Variants in SLIT3 observed in about 807,000 individuals in gnomAD.
SLIT3 encodes slit homolog 3 protein.
Under a neutral mutation model 184.0 loss-of-function variants are expected in SLIT3, and 68 were observed. That is an observed-to-expected ratio of 0.37 (90% CI 0.30 to 0.45). SLIT3 has a LOEUF of 0.45. Ranked by LOEUF, SLIT3 falls within the 20% of genes least tolerant of loss-of-function variation. SLIT3 has a pLI of 1.00. For synonymous variants in SLIT3, 831 were observed against 828.6 expected (o/e 1.00, Z -0.05); for missense variants, 1,707 against 2,026.0 (o/e 0.84, Z 3.02).
At chr5:169,165,420 A>G (rs532297567) in intron 4 of SLIT3, among the ~76,000 whole-genome samples, 2 of 152,356 alleles carry the variant, frequency 1.3e-5, no homozygotes, top group South Asian at 4.1e-4. Context: ...GGGGAGTGAC[A>G]GCAACAACTT....
chr5:169,049,357 A>G (rs948135648), intron 4 of SLIT3, among the ~76,000 whole-genome samples: 4 of 152,196 alleles, frequency 2.6e-5, no homozygotes, highest in Non-Finnish European at 4.4e-5. Flanking sequence ...GACAGGTGCT[A>G]AGGTAACCAG....
chr5:169,290,522 G>C (rs1767323975), intron 1 of SLIT3, among the ~76,000 whole-genome samples: 1 of 149,786 alleles, frequency 6.7e-6, no homozygotes, highest in South Asian at 2.1e-4. Context: ...CATGCGCTAG[G>C]GCATATACTA....
At chr5:168,975,377 G>A (rs1475109295) in intron 4 of SLIT3, among the ~76,000 whole-genome samples, 2 of 152,100 alleles carry the variant, frequency 1.3e-5, no homozygotes, top group Admixed American at 6.5e-5. Flanking sequence ...CCAGTCTCAC[G>A]TATGCTGTCC....
chr5:168,989,055 A>G (rs573223858), intron 4 of SLIT3, among the ~76,000 whole-genome samples: 38 of 152,346 alleles, frequency 2.5e-4, no homozygotes, highest in African/African-American at 8.9e-4. Flanking sequence ...TTTGCCTCAG[A>G]GACACACCAC....
chr5:168,922,504 T>C (rs1761672137), intron 4 of SLIT3, among the ~76,000 whole-genome samples: 1 of 132,828 alleles, frequency 7.5e-6, no homozygotes, highest in African/African-American at 2.8e-5. Context: ...CCATAGCAAG[T>C]AAAAATCCGT....
chr5:168,800,676 T>C (rs1756736938), intron 9 of SLIT3, among the ~76,000 whole-genome samples: 1 of 152,216 alleles, frequency 6.6e-6, no homozygotes, highest in Non-Finnish European at 1.5e-5. Flanking sequence ...ATGAGGAATG[T>C]AGGCATATCT....
chr5:168,732,046 C>A (rs1763304776), intron 20 of SLIT3, among the ~76,000 whole-genome samples: 1 of 151,972 alleles, frequency 6.6e-6, no homozygotes, highest in Admixed American at 6.6e-5. Flanking sequence ...AAAATAAACA[C>A]TAAATACTTG....
intron 20 of SLIT3, among the ~76,000 whole-genome samples, chr5:168,732,790 T>C (rs1270288972): frequency 1.3e-5 from 2 of 152,170 alleles, no homozygotes; most frequent in Admixed American, 1.3e-4. Flanking sequence ...ACTGGACTCA[T>C]ACTTTTCACC....
intron 3 of SLIT3, among the ~76,000 whole-genome samples, chr5:169,216,569 T>C (rs1300719314): frequency 1.3e-5 from 2 of 152,222 alleles, no homozygotes; most frequent in Non-Finnish European, 2.9e-5. Context: ...TTTCTTTGGC[T>C]GAAAAGCTCA....
chr5:168,887,842 G>A (rs1211621679), intron 4 of SLIT3, among the ~76,000 whole-genome samples: 2 of 152,154 alleles, frequency 1.3e-5, no homozygotes, highest in African/African-American at 2.4e-5. Context: ...GCACTGGATT[G>A]ACATTGCTGA....
chr5:169,003,360 T>G (rs756137340), intron 4 of SLIT3, among the ~76,000 whole-genome samples: 1 of 152,232 alleles, frequency 6.6e-6, no homozygotes, highest in Non-Finnish European at 1.5e-5. Flanking sequence ...GAAGTCCTAC[T>G]GAGTGTCTGC....
chr5:169,229,380 G>A (rs955141050), intron 3 of SLIT3, among the ~76,000 whole-genome samples: 4 of 152,122 alleles, frequency 2.6e-5, no homozygotes, highest in South Asian at 2.1e-4. Context: ...AAATAAGAAC[G>A]ATAACTCGCA....
chr5:168,671,540 C>T, intron 33 of SLIT3, 57 bp from the exon 34 acceptor site: 1 of 1,539,774 alleles, frequency 6.5e-7, no homozygotes, highest in Non-Finnish European at 8.8e-7. Context: ...ACCCTGCTGT[C>T]CTCAGAGCGA....
chr5:169,102,221 T>C (rs1581411598), intron 4 of SLIT3, among the ~76,000 whole-genome samples: 1 of 152,186 alleles, frequency 6.6e-6, no homozygotes, highest in African/African-American at 2.4e-5. Flanking sequence ...ACTGGGGACA[T>C]CCCCTGCCTG....
chr5:168,749,435 G>C, intron 19 of SLIT3, 37 bp downstream of exon 19: 1 of 1,611,774 alleles, frequency 6.2e-7, no homozygotes, highest in Non-Finnish European at 8.5e-7. Context: ...GCCTTCCCAG[G>C]GCCTTCCCCG....
intron 4 of SLIT3, among the ~76,000 whole-genome samples, chr5:169,171,925 T>G (rs1039943622): frequency 6.6e-6 from 1 of 151,148 alleles, no homozygotes; most frequent in African/African-American, 2.4e-5. Context: ...AGAAATAGAG[T>G]TGAGAAAGTG....
rs560767457 is a variant in SLIT3 at position 169,281,139 on chromosome 5, T to C, written c.197+19374A>G. Among the ~76,000 whole-genome samples, 4 of 152,336 alleles carry C rather than the reference T, an allele frequency of 2.6e-5. No homozygotes were observed. The South Asian group carries it at 8.3e-4, about 32-fold the overall frequency. On this transcript the variant is annotated intron_variant, in intron 1 of 35. Coordinates refer to ENST00000519560, the MANE Select transcript of SLIT3 (RefSeq NM_003062.4). ...GAGCTTCTGTTGCTGGATTTTATTT[T>C]AGAAAAGAAACTAGAAATAGATTTG... is the stretch of plus-strand genomic sequence containing the variant.
intron 14 of SLIT3, among the ~76,000 whole-genome samples, chr5:168,763,783 C>T (rs920550677): frequency 3.9e-5 from 6 of 152,306 alleles, no homozygotes; most frequent in Non-Finnish European, 7.3e-5. Context: ...TTCATCCTTT[C>T]ACACTCAACA....
At chr5:168,940,172 G>A (rs912694651) in intron 4 of SLIT3, among the ~76,000 whole-genome samples, 1 of 152,208 alleles carries the variant, frequency 6.6e-6, no homozygotes, top group Non-Finnish European at 1.5e-5. Context: ...GCCATTAGCT[G>A]GTTTGGTAAT....
Sources: gnomAD v4.1 joint callset for allele counts (sites outside exome capture counted in the v4.1 genomes callset) on GRCh38, gnomAD v4.1.1 for gene constraint, MANE v1.5 for transcripts, NCBI Gene and HGNC (gene_info 2026-07-23, HGNC 2026-07-21) for gene names.